The following CD1B variants were observed in gnomAD, a reference collection of about 807,000 sequenced individuals.
The protein encoded by CD1B is T-cell surface glycoprotein CD1b.
In CD1B, 43 loss-of-function variants were observed where a neutral mutation model predicts 39.8. That is an observed-to-expected ratio of 1.08 (90% confidence interval 0.85 to 1.39). The LOEUF (loss-of-function observed/expected upper bound fraction) is 1.39, where lower values mean the gene tolerates loss of function less well. Ranked by LOEUF, CD1B falls within the 40% of genes most tolerant of loss-of-function variation. The pLI is 0.00. For missense variants in CD1B, 495 were observed against 403.8 expected (o/e 1.23, Z -1.94); for synonymous variants, 192 against 152.5 (o/e 1.26, Z -1.91).
the CD1B span, chr1:158,292,554 G>C: frequency 6.3e-7 from 1 of 1,596,390 alleles, no homozygotes; most frequent in Non-Finnish European, 8.5e-7. Context: ...TGTAAGTTGT[G>C]TGTAAGTTTC....
At chr1:158,305,614 C>T in the CD1B span, among the ~76,000 whole-genome samples, 2 of 152,100 alleles carry the variant, frequency 1.3e-5, no homozygotes, top group Admixed American at 1.3e-4. Context: ...AGAGCAACTC[C>T]AAGACACATA....
rs550858176 is a variant in CD1B, at chr1:158,329,889, G to T, written c.570C>A (p.Gly190=). The change falls in exon 3 of 6, where the codon GGC becomes GGA. Residue 190 remains glycine (G), a synonymous_variant. Transcript: ENST00000368168. ...GATCTGCTTTTCCTGCATTGAGGACGCCCAAGAGATATCGGGGGCAGGTTT... is the reference window on the plus strand; with the variant it reads ...GATCTGCTTTTCCTGCATTGAGGACTCCCAAGAGATATCGGGGGCAGGTTT... The part of the protein sequence containing the change: ...LYETCPRYLL[G]VLNAGKADLQ... 1.9e-6 allele frequency: 3 copies of T among 1,614,028 alleles called. No individual in the cohort carries two copies. The highest frequency in any genetic ancestry group is 4.5e-5 in the East Asian group (2 of 44,864).
the CD1B span, among the ~76,000 whole-genome samples, chr1:158,297,784 A>T: frequency 6.6e-6 from 1 of 151,962 alleles, no homozygotes; most frequent in African/African-American, 2.4e-5. Flanking sequence ...AAACCAAGAA[A>T]ATTAGCTAAG....
At chr1:158,304,919 C>CACCACACCACATCCAA in the CD1B span, among the ~76,000 whole-genome samples, 1 of 151,932 alleles carries the variant, frequency 6.6e-6, no homozygotes, top group East Asian at 1.9e-4. Context: ...AGGACATCCA[C>CACCACACCACATCCAA]ACCAAAACCC....
At chr1:158,289,097 C>T in the CD1B span, among the ~76,000 whole-genome samples, 8 of 152,118 alleles carry the variant, frequency 5.3e-5, no homozygotes, top group Non-Finnish European at 1.0e-4. Flanking sequence ...ATGAACTTCC[C>T]AGGGGGTTAG....
the CD1B span, among the ~76,000 whole-genome samples, chr1:158,317,213 A>C: frequency 6.6e-6 from 1 of 151,478 alleles, no homozygotes; most frequent in Non-Finnish European, 1.5e-5. Context: ...TTTTCTATTG[A>C]TTGGAATAGT....
the CD1B span, among the ~76,000 whole-genome samples, chr1:158,303,837 C>G: frequency 9.8e-5 from 15 of 152,320 alleles, no homozygotes; most frequent in African/African-American, 3.4e-4. Flanking sequence ...TTAAAATTAT[C>G]ATATTGCTGA....
the CD1B span, among the ~76,000 whole-genome samples, chr1:158,312,110 T>G: frequency 6.6e-6 from 1 of 152,178 alleles, no homozygotes; most frequent in African/African-American, 2.4e-5. Context: ...ACAATGCCAA[T>G]TATTTCAATC....
the CD1B span, among the ~76,000 whole-genome samples, chr1:158,296,460 A>T: frequency 6.6e-6 from 1 of 152,180 alleles, no homozygotes; most frequent in Non-Finnish European, 1.5e-5. Flanking sequence ...AAGGACAGCA[A>T]CTTTAAACGT....
At chr1:158,322,951 A>C (rs1652239804), downstream of CD1B, among the ~76,000 whole-genome samples, 1 of 152,184 alleles carries the variant, frequency 6.6e-6, no homozygotes, top group Non-Finnish European at 1.5e-5. Context: ...CGAGAGTCAA[A>C]GGGTATGTCT....
intron 4 of CD1B, 126 bp from the exon 5 acceptor site, chr1:158,329,140 A>G: frequency 1.1e-6 from 1 of 947,614 alleles, no homozygotes; most frequent in Middle Eastern, 2.3e-4. Flanking sequence ...ATTCCTGGCC[A>G]CCATATATCC....
At chr1:158,292,313 C>T in the CD1B span, 19 of 1,614,164 alleles carry the variant, frequency 1.2e-5, no homozygotes, top group East Asian at 1.8e-4. Flanking sequence ...GCACTTGCCC[C>T]CGATTTCTCT....
At chr1:158,326,072 C>T (rs946497002), downstream of CD1B, among the ~76,000 whole-genome samples, 5 of 152,134 alleles carry the variant, frequency 3.3e-5, no homozygotes, top group Non-Finnish European at 7.4e-5. Flanking sequence ...CGGGTTCATG[C>T]CATTCTCCTG....
the CD1B span, among the ~76,000 whole-genome samples, chr1:158,303,729 C>A: frequency 6.6e-6 from 1 of 151,988 alleles, no homozygotes; most frequent in Non-Finnish European, 1.5e-5. Flanking sequence ...AGTGAAAGAT[C>A]TCTACAACAA....
At chr1:158,324,900 C>A (rs1296690111), downstream of CD1B, among the ~76,000 whole-genome samples, 3 of 152,048 alleles carry the variant, frequency 2.0e-5, no homozygotes, top group Non-Finnish European at 4.4e-5. Flanking sequence ...CTCATTGTCA[C>A]AGATAGGACA....
chr1:158,287,270 T>C, the CD1B span, among the ~76,000 whole-genome samples: 1 of 151,570 alleles, frequency 6.6e-6, no homozygotes, highest in Non-Finnish European at 1.5e-5. Flanking sequence ...CATATGGCCT[T>C]TCCATGGTGG....
the CD1B span, among the ~76,000 whole-genome samples, chr1:158,315,226 C>T: frequency 5.4e-3 from 828 of 152,222 alleles, 11 homozygotes; most frequent in African/African-American, 0.019. Flanking sequence ...CCTGAGGAAT[C>T]GCCACACTGA....
chr1:158,300,872 C>G, the CD1B span, among the ~76,000 whole-genome samples: 1 of 150,602 alleles, frequency 6.6e-6, no homozygotes, highest in African/African-American at 2.5e-5. Flanking sequence ...CATTCTCCTG[C>G]TTGAGCCTCC....
the CD1B span, among the ~76,000 whole-genome samples, chr1:158,320,694 T>G: frequency 1.3e-5 from 2 of 151,908 alleles, no homozygotes; most frequent in African/African-American, 4.8e-5. Context: ...CCTCCATAGG[T>G]TTTTGTGTGT....
Sources: gnomAD v4.1 joint callset for allele counts (sites outside exome capture counted in the v4.1 genomes callset) on GRCh38, gnomAD v4.1.1 for gene constraint, MANE v1.5 for transcripts, NCBI Gene and HGNC (gene_info 2026-07-23, HGNC 2026-07-21) for gene names.